Variants in PRKAR1B observed in about 807,000 individuals in gnomAD.
PRKAR1B encodes the protein protein kinase cAMP-dependent type I regulatory subunit beta.
A neutral mutation model predicts 46.5 loss-of-function variants in PRKAR1B; 22 were observed. The ratio of observed to expected loss-of-function variants is 0.47; its 90% CI spans 0.34 to 0.68. The LOEUF (loss-of-function observed/expected upper bound fraction) is 0.68, where lower values mean the gene tolerates loss of function less well. Ranked by LOEUF, PRKAR1B falls within the 30% of genes least tolerant of loss-of-function variation. The pLI, the probability that PRKAR1B is intolerant of heterozygous loss-of-function variation, is 0.01. For synonymous variants in PRKAR1B, 259 were observed against 217.7 expected (o/e 1.19, Z -1.67); for missense variants, 445 against 535.6 (o/e 0.83, Z 1.67).
At chr7:651,201 G>C (rs1160282777) in intron 4 of PRKAR1B, among the ~76,000 whole-genome samples, 1 of 152,192 alleles carries the variant, frequency 6.6e-6, no homozygotes, top group African/African-American at 2.4e-5. Context: ...GCTCCTAGGG[G>C]CCTCTGGCCC....
intron 9 of PRKAR1B, among the ~76,000 whole-genome samples, chr7:573,217 C>A (rs2128438072): frequency 6.6e-6 from 1 of 152,338 alleles, no homozygotes; most frequent in Admixed American, 6.5e-5. Flanking sequence ...GCCAAGGAGA[C>A]CCTTTCAAAT....
chr7:695,725 G>A (rs546728009), intron 2 of PRKAR1B, among the ~76,000 whole-genome samples: 14 of 151,962 alleles, frequency 9.2e-5, no homozygotes, highest in Admixed American at 7.2e-4. Context: ...GTGTAGTGGC[G>A]TGATCTCAGC....
At chr7:724,384 T>A (rs1781177322) in intron 1 of PRKAR1B, among the ~76,000 whole-genome samples, 1 of 152,154 alleles carries the variant, frequency 6.6e-6, no homozygotes, top group African/African-American at 2.4e-5. Flanking sequence ...TGAATAAGTC[T>A]CACGAGATCT....
intron 2 of PRKAR1B, among the ~76,000 whole-genome samples, chr7:682,958 C>T (rs1778778917): frequency 6.6e-6 from 1 of 152,202 alleles, no homozygotes; most frequent in African/African-American, 2.4e-5. Flanking sequence ...TCACCCTGAT[C>T]CATCCCCTGG....
rs571816693 is a variant in PRKAR1B, at chr7:640,876, C to T, written c.441-33424G>A. The stretch of plus-strand genomic sequence containing the variant: ...AATAAAAGACAGACAATACCAAATG[C>T]CAGCAAGGATGTGGAGAAATGAGAA... On this transcript the variant is annotated intron_variant, in intron 4 of 10. Transcript: ENST00000537384. Among the ~76,000 whole-genome samples the T allele has an allele frequency of 5.3e-5, 8 of 151,770 alleles. No individual in the cohort carries two copies. In the East Asian group the frequency reaches 1.5e-3, roughly 29 times the overall value.
At chr7:594,845 C>T (rs1246570157) in intron 7 of PRKAR1B, among the ~76,000 whole-genome samples, 1 of 152,046 alleles carries the variant, frequency 6.6e-6, no homozygotes, top group Admixed American at 6.5e-5. Context: ...AGGAGTCCCC[C>T]CCAGATCATG....
At chr7:640,666 G>A (rs1193053850) in intron 4 of PRKAR1B, among the ~76,000 whole-genome samples, 1 of 151,968 alleles carries the variant, frequency 6.6e-6, no homozygotes, top group African/African-American at 2.4e-5. Flanking sequence ...GAGAGGCTGA[G>A]GCAGGGGAAT....
intron 4 of PRKAR1B, among the ~76,000 whole-genome samples, chr7:657,238 T>A (rs1166677662): frequency 6.6e-6 from 1 of 150,658 alleles, no homozygotes; most frequent in African/African-American, 2.5e-5. Context: ...CATGGATGGA[T>A]AAATGAATGG....
chr7:643,616 G>T (rs1784493100), intron 4 of PRKAR1B, among the ~76,000 whole-genome samples: 1 of 151,264 alleles, frequency 6.6e-6, no homozygotes, highest in South Asian at 2.1e-4. Context: ...CAGCTACTCG[G>T]GAGGCTGAGG....
chr7:661,922 A>G (rs1255489607), intron 4 of PRKAR1B, among the ~76,000 whole-genome samples: 2 of 81,318 alleles, frequency 2.5e-5, no homozygotes, highest in East Asian at 4.8e-4. Context: ...CCCCACCCCA[A>G]CGGGTCCAAA....
chr7:665,262 C>T (rs574244940), intron 4 of PRKAR1B, among the ~76,000 whole-genome samples: 25 of 152,298 alleles, frequency 1.6e-4, no homozygotes, highest in African/African-American at 3.8e-4. Flanking sequence ...TGTGCATTCA[C>T]GGTGGGCAAG....
intron 9 of PRKAR1B, among the ~76,000 whole-genome samples, chr7:552,731 G>A (rs1018573279): frequency 1.3e-5 from 2 of 152,216 alleles, no homozygotes; most frequent in Non-Finnish European, 2.9e-5. Context: ...GACGCGCTGG[G>A]ACCTTCCCTG....
chr7:555,032 T>A (rs1421355297), intron 9 of PRKAR1B, among the ~76,000 whole-genome samples: 1 of 152,162 alleles, frequency 6.6e-6, no homozygotes, highest in Non-Finnish European at 1.5e-5. Flanking sequence ...AGGCCACCCC[T>A]ACACCATCAG....
chr7:630,947 C>G (rs1583326170), intron 4 of PRKAR1B, among the ~76,000 whole-genome samples: 2 of 146,084 alleles, frequency 1.4e-5, no homozygotes, highest in South Asian at 4.2e-4. Flanking sequence ...GCAGCTGATT[C>G]GGATTTTTTT....
intron 4 of PRKAR1B, among the ~76,000 whole-genome samples, chr7:641,161 C>T (rs1313675590): frequency 1.3e-5 from 2 of 152,120 alleles, no homozygotes; most frequent in Non-Finnish European, 2.9e-5. Flanking sequence ...ACCGTGTTGG[C>T]CAGGATGGTC....
chr7:701,270 AAGAAAGAAAGAAAG>A (rs1780049091), intron 2 of PRKAR1B, among the ~76,000 whole-genome samples: 4 of 111,562 alleles, frequency 3.6e-5, no homozygotes, highest in East Asian at 5.0e-4. Context: ...AGAAGGAAAA[AAGAAAGAAAGAAAG>A]AGAAAGAAAG....
intron 6 of PRKAR1B, among the ~76,000 whole-genome samples, chr7:596,689 C>G (rs1170990444): frequency 6.6e-6 from 1 of 152,274 alleles, no homozygotes. Flanking sequence ...CTCTCTGGGC[C>G]TCAGTTTCCC....
chr7:695,824 C>A (rs149967442), intron 2 of PRKAR1B, among the ~76,000 whole-genome samples: 1 of 151,580 alleles, frequency 6.6e-6, no homozygotes, highest in Non-Finnish European at 1.5e-5. Context: ...CCACCATGCC[C>A]GGCTAATTTT....
chr7:553,988 G>T (rs1381555168), intron 9 of PRKAR1B, among the ~76,000 whole-genome samples: 2 of 152,260 alleles, frequency 1.3e-5, no homozygotes, highest in African/African-American at 4.8e-5. Flanking sequence ...CCCTCAGCCG[G>T]GTGCCCACAG....
Sources: allele counts gnomAD v4.1 joint callset (sites outside exome capture counted in the v4.1 genomes callset), GRCh38; gene constraint gnomAD v4.1.1; transcripts MANE v1.5; gene names NCBI Gene and HGNC (gene_info 2026-07-23, HGNC 2026-07-21).